The following RFX7 variants were observed in gnomAD, a reference collection of about 807,000 sequenced individuals.
RFX7 encodes DNA-binding protein RFX7.
RFX7 carries 26 observed loss-of-function variants against 111.8 expected under a neutral mutation model. The ratio of observed to expected loss-of-function variants is 0.23; its 90% CI spans 0.17 to 0.32. The LOEUF is 0.32. Ranked by LOEUF, RFX7 falls within the 10% of genes least tolerant of loss-of-function variation. The pLI is 1.00. For synonymous variants in RFX7, 624 were observed against 624.4 expected (o/e 1.00, Z 0.01); for missense variants, 1,573 against 1,772.9 (o/e 0.89, Z 2.02).
intron 5 of RFX7, among the ~76,000 whole-genome samples, chr15:56,106,577 G>A (rs1407936786): frequency 1.3e-5 from 2 of 152,130 alleles, no homozygotes; most frequent in Non-Finnish European, 2.9e-5. Context: ...TGTAGAAATG[G>A]TCATACTCTT....
rs1050991394 is a variant in RFX7, at chr15:56,093,467, C to G, written c.4261G>C (p.Glu1421Gln). 1 of 1,613,842 alleles carries G rather than the reference C, an allele frequency of 6.2e-7. No homozygotes were observed. Among genetic ancestry groups the G allele is most frequent in the Non-Finnish European group, 8.5e-7 (1 of 1,179,824 alleles). Residue 1421 changes from glutamate to glutamine, a missense_variant, in exon 10 of 10, where the codon GAA becomes CAA. By Grantham distance (29) the Glu-to-Gln change is conservative. Around this residue, in one of 7 missense-constraint regions of RFX7, gnomAD observed 411 missense variants for 478.1 expected, o/e 0.86. Transcript: ENST00000559447. ...AATAATGGGTCATTCTTTAATTCTT[C>G]CAGTGTAGCTTCATCATCTTGTCCC... Reference protein sequence around the residue: ...QQGQDDEATLEELKNDPLFQQ... With the variant: ...QQGQDDEATLQELKNDPLFQQ...
intron 3 of RFX7, among the ~76,000 whole-genome samples, chr15:56,175,255 A>G (rs2042891113): frequency 6.6e-6 from 1 of 152,216 alleles, no homozygotes; most frequent in Non-Finnish European, 1.5e-5. Flanking sequence ...AGAAAATAAC[A>G]AAACACGCTG....
chr15:56,184,012 A>G (rs1437300266), intron 2 of RFX7, among the ~76,000 whole-genome samples: 1 of 149,636 alleles, frequency 6.7e-6, no homozygotes, highest in African/African-American at 2.5e-5. Flanking sequence ...TAGTTCTAAC[A>G]GCATGTAGTT....
intron 6 of RFX7, 132 bp downstream of exon 6, chr15:56,103,422 T>C: frequency 1.7e-6 from 1 of 586,978 alleles, no homozygotes. Context: ...GCAATTATTC[T>C]ACTTAAGCTT....
At chr15:56,230,985 C>T (rs571131410) in intron 2 of RFX7, among the ~76,000 whole-genome samples, 1 of 152,080 alleles carries the variant, frequency 6.6e-6, no homozygotes, top group East Asian at 1.9e-4. Flanking sequence ...GTAGTCCCAG[C>T]TACTAGATGT....
intron 3 of RFX7, among the ~76,000 whole-genome samples, chr15:56,150,488 G>A (rs989838302): frequency 1.3e-5 from 2 of 152,278 alleles, no homozygotes; most frequent in Admixed American, 6.5e-5. Flanking sequence ...TTGCTGCTCT[G>A]CAGCCTCCGC....
intron 5 of RFX7, among the ~76,000 whole-genome samples, chr15:56,139,347 T>C (rs2042353555): frequency 6.6e-6 from 1 of 152,180 alleles, no homozygotes; most frequent in Non-Finnish European, 1.5e-5. Flanking sequence ...AATTCCCTTC[T>C]CGCTTCATTT....
intron 2 of RFX7, among the ~76,000 whole-genome samples, chr15:56,179,632 A>C (rs902914958): frequency 6.6e-6 from 1 of 152,054 alleles, no homozygotes; most frequent in Admixed American, 6.6e-5. Context: ...AATAATTATG[A>C]TTTTTACTGT....
rs531602331 is a variant in RFX7 at position 56,204,070 on chromosome 15, G to C, written c.162-24767C>G. ...ACTCTCACTCTGTTGCCCCAGGCTG[G>C]AGTGCAGTGGCCCAATCGTGGCTCA... On this transcript the variant is annotated intron_variant, in intron 2 of 9. Coordinates refer to ENST00000559447, the MANE Select transcript of RFX7 (RefSeq NM_022841.7). Among the ~76,000 whole-genome samples the C allele has an allele frequency of 6.0e-5, 9 of 148,886 alleles. No homozygotes were observed. The East Asian group carries it at 1.8e-3, about 30-fold the overall frequency.
intron 3 of RFX7, among the ~76,000 whole-genome samples, chr15:56,167,778 C>T (rs551552049): frequency 6.6e-6 from 1 of 152,216 alleles, no homozygotes; most frequent in South Asian, 2.1e-4. Flanking sequence ...TAGTAGATTT[C>T]ATATTGTCTT....
chr15:56,139,554 G>A (rs2042357987), intron 5 of RFX7, among the ~76,000 whole-genome samples: 1 of 152,078 alleles, frequency 6.6e-6, no homozygotes, highest in Non-Finnish European at 1.5e-5. Flanking sequence ...CTTTGCCTTT[G>A]GTTTGAATGT....
intron 5 of RFX7, among the ~76,000 whole-genome samples, chr15:56,142,322 A>T (rs1337214679): frequency 6.6e-6 from 1 of 152,162 alleles, no homozygotes; most frequent in African/African-American, 2.4e-5. Context: ...ATAATATACA[A>T]TATTCTTTGG....
chr15:56,198,211 G>A (rs758381392), intron 2 of RFX7, among the ~76,000 whole-genome samples: 9 of 152,056 alleles, frequency 5.9e-5, no homozygotes, highest in Non-Finnish European at 1.0e-4. Flanking sequence ...TACAACAGGT[G>A]GGTAATAGCC....
intron 3 of RFX7, among the ~76,000 whole-genome samples, chr15:56,154,588 C>A (rs2042623797): frequency 6.6e-6 from 1 of 152,160 alleles, no homozygotes; most frequent in African/African-American, 2.4e-5. Flanking sequence ...ATGTAGAAAG[C>A]TGAAACTGGA....
rs762863770 is a variant in RFX7 at position 56,096,591 on chromosome 15, T to C, written c.1137A>G (p.Ser379=). The C allele has an allele frequency of 1.3e-6, 2 of 1,591,586 alleles. No individual in the cohort carries two copies. Residue 379 remains serine, a synonymous_variant, in exon 10 of 10, where the codon TCA becomes TCG. Transcript: ENST00000559447. ...PVQRTRQLVT[S]PSPMSSSDGK... ...CGTCAGAAGAACTCATTGGACTCGGTGAAGTTACCAATTGCCTAGTCCGCT... is the reference window on the plus strand; with the variant it reads ...CGTCAGAAGAACTCATTGGACTCGGCGAAGTTACCAATTGCCTAGTCCGCT...
chr15:56,207,725 C>G (rs575818098), intron 2 of RFX7, among the ~76,000 whole-genome samples: 28 of 152,238 alleles, frequency 1.8e-4, no homozygotes, highest in African/African-American at 6.7e-4. Flanking sequence ...GCTAGGACTT[C>G]TGGTTTCTGG....
intron 3 of RFX7, among the ~76,000 whole-genome samples, chr15:56,149,437 G>C (rs151016746): frequency 6.6e-6 from 1 of 152,126 alleles, no homozygotes; most frequent in Non-Finnish European, 1.5e-5. Context: ...GAACAGCACC[G>C]GTCTGCAATT....
At chr15:56,240,683 T>G (rs180927811) in intron 2 of RFX7, among the ~76,000 whole-genome samples, 1 of 152,268 alleles carries the variant, frequency 6.6e-6, no homozygotes, top group African/African-American at 2.4e-5. Flanking sequence ...AAATGTCACA[T>G]TTCTTTTGAG....
chr15:56,161,533 G>A (rs900697150), intron 3 of RFX7, among the ~76,000 whole-genome samples: 1 of 151,794 alleles, frequency 6.6e-6, no homozygotes, highest in African/African-American at 2.4e-5. Context: ...AATATATTTC[G>A]GTTTTCTTAG....
Sources: gnomAD v4.1 joint callset for allele counts (sites outside exome capture counted in the v4.1 genomes callset) on GRCh38, gnomAD v4.1.1 for gene constraint, gnomAD v4.1.1 regional missense constraint, MANE v1.5 for transcripts, NCBI Gene and HGNC (gene_info 2026-07-23, HGNC 2026-07-21) for gene names.